Variants in TRPM2 observed in about 807,000 individuals in gnomAD.
The protein encoded by TRPM2 is transient receptor potential cation channel subfamily M member 2.
TRPM2 carries 161 observed loss-of-function variants against 174.0 expected under a neutral mutation model. The observed-to-expected ratio is 0.93, with a 90% CI of 0.81 to 1.05. The LOEUF is 1.05. Among genes scored for constraint, TRPM2 ranks in the 50% least tolerant of loss-of-function variants. The pLI is 0.00. For synonymous variants in TRPM2, 954 were observed against 861.3 expected (o/e 1.11, Z -1.88); for missense variants, 2,057 against 2,038.0 (o/e 1.01, Z -0.18).
chr21:44,384,484 G>T (rs1363873431), intron 9 of TRPM2, among the ~76,000 whole-genome samples: 1 of 152,194 alleles, frequency 6.6e-6, no homozygotes, highest in Non-Finnish European at 1.5e-5. Context: ...ATGCATGAAA[G>T]AGAGTAAGAA....
rs2051524627 is a variant in TRPM2 at position 44,441,975 on chromosome 21, T to A, written c.*158T>A. 1 of 1,105,620 alleles carries A rather than the reference T, an allele frequency of 9.0e-7. No homozygotes were observed. Among genetic ancestry groups the A allele is most frequent in the Non-Finnish European group, 1.2e-6 (1 of 829,334 alleles). 68.5% of individuals were successfully genotyped at this position (1,105,620 alleles called of 1,614,324 possible). A position where few individuals can be genotyped will look rare whatever the true frequency, so the allele number is the denominator to read the frequency against. ...CCCCTCACGGCTGCCGCAAGTCTGC[T>A]GCAGATGACCTCATGAACTGGAAGG... On this transcript the variant is annotated 3_prime_UTR_variant, in exon 32 of 32. Coordinates refer to ENST00000397928, the MANE Select transcript of TRPM2 (RefSeq NM_003307.4).
chr21:44,441,312 G>T (rs1356049064), intron 31 of TRPM2, among the ~76,000 whole-genome samples: 1 of 152,186 alleles, frequency 6.6e-6, no homozygotes, highest in African/African-American at 2.4e-5. Context: ...GCATCCAGGG[G>T]TGAGGCTGGC....
At chr21:44,377,920 CT>C in intron 7 of TRPM2, 147 bp downstream of exon 7, 1 of 975,872 alleles carries the variant, frequency 1.0e-6, no homozygotes, top group Non-Finnish European at 1.5e-6. Context: ...AGCATCTACG[CT>C]GTGTCGGGGC....
At chr21:44,429,945 A>G (rs2050966129) in intron 27 of TRPM2, among the ~76,000 whole-genome samples, 1 of 152,194 alleles carries the variant, frequency 6.6e-6, no homozygotes, top group Non-Finnish European at 1.5e-5. Context: ...CTTTTATTGG[A>G]TTAGGAATGT....
chr21:44,397,574 A>G (rs981666565), intron 12 of TRPM2, among the ~76,000 whole-genome samples, 173 bp from the exon 13 acceptor site: 23 of 151,450 alleles, frequency 1.5e-4, no homozygotes, highest in African/African-American at 5.1e-4. Flanking sequence ...GAGGTTGTGT[A>G]TTGACTGGGG....
intron 17 of TRPM2, 50 bp downstream of exon 17, chr21:44,405,310 C>T (rs1327431406): frequency 1.2e-6 from 2 of 1,605,632 alleles, no homozygotes; most frequent in Admixed American, 3.4e-5. Flanking sequence ...GCCAGCCCTG[C>T]AGGGGATGAG....
intron 2 of TRPM2, among the ~76,000 whole-genome samples, chr21:44,360,673 T>A (rs1329705448): frequency 1.3e-5 from 2 of 151,392 alleles, no homozygotes. Flanking sequence ...TTCAAGCAAT[T>A]CTCCTGCCTC....
intron 22 of TRPM2, chr21:44,423,402 G>A (rs1015807058): frequency 9.8e-6 from 5 of 509,200 alleles, no homozygotes; most frequent in Non-Finnish European, 1.8e-5. Flanking sequence ...GGACCGACAG[G>A]CTGCCAGAGC....
At chr21:44,406,834 C>T (rs45483495) in intron 19 of TRPM2, 69 bp downstream of exon 19, 152,900 of 1,533,654 alleles carry the variant, frequency 0.1, 11,485 homozygotes, top group African/African-American at 0.4. Flanking sequence ...GGAAAGGGGC[C>T]GCATGAGTGG....
chr21:44,438,967 T>C lies in TRPM2; in HGVS notation c.4168-100T>C. On this transcript the variant is annotated intron_variant, in intron 29 of 31. Transcript: ENST00000397928. The surrounding 1 kb of genome is among the most constrained non-coding windows in gnomAD (Gnocchi z 5.9). ...CCTGTGGCTCCCAGGGCTGGGCCGCTGCCCACGCCGGGCAGGAGGCCAGTG... is the reference window on the plus strand; with the variant it reads ...CCTGTGGCTCCCAGGGCTGGGCCGCCGCCCACGCCGGGCAGGAGGCCAGTG... 1.1e-6 allele frequency: 1 copy of C among 944,482 alleles called. No homozygotes were observed. The highest frequency in any genetic ancestry group is 1.6e-6 in the Non-Finnish European group (1 of 622,506). The allele number at this position is 944,482 out of a possible 1,614,324, so 58.5% of individuals were successfully genotyped here.
intron 20 of TRPM2, among the ~76,000 whole-genome samples, chr21:44,417,158 G>A (rs1310291278): frequency 9.9e-5 from 13 of 131,776 alleles, no homozygotes; most frequent in East Asian, 7.3e-4. Flanking sequence ...GCACGTGGGC[G>A]TGGCTCTGCT....
At chr21:44,430,759 C>G (rs1316158437) in intron 27 of TRPM2, among the ~76,000 whole-genome samples, 2 of 152,096 alleles carry the variant, frequency 1.3e-5, no homozygotes, top group Non-Finnish European at 2.9e-5. Flanking sequence ...ACTTTATCTT[C>G]CATAATGATT....
chr21:44,383,206 G>A (rs1347876049), intron 9 of TRPM2, among the ~76,000 whole-genome samples: 3 of 151,716 alleles, frequency 2.0e-5, no homozygotes, highest in African/African-American at 7.3e-5. Flanking sequence ...AGGGCCTCAG[G>A]AATGGTGTGA....
At chr21:44,405,544 C>T (rs939897433) in intron 17 of TRPM2, among the ~76,000 whole-genome samples, 2 of 152,292 alleles carry the variant, frequency 1.3e-5, no homozygotes, top group East Asian at 1.9e-4. Flanking sequence ...TCCACGGACA[C>T]GCGGCTGCCG....
At position 44,395,447 on chromosome 21, in the gene TRPM2, C is replaced by G. The variant is rs149088338; in HGVS notation, c.1828C>G (p.Arg610Gly). ...QGVSLRSLYK[R>G]SSGHVTFTMD... is the part of the protein sequence containing the mutation. ...AGTGAGCCTCCGGTCCCTCTACAAG[C>G]GTTCCTCAGGCCATGTGACCTTCAC... The change falls in exon 12 of 32, where the codon CGT (arginine) becomes GGT (glycine). Residue 610 changes from arginine to glycine, a missense_variant. Arg to Gly is a moderately radical substitution (Grantham distance 125). Coordinates refer to ENST00000397928, the MANE Select transcript of TRPM2 (RefSeq NM_003307.4). 4 of 1,612,900 alleles carry G rather than the reference C, an allele frequency of 2.5e-6. No homozygotes were observed. The highest frequency in any genetic ancestry group is 2.5e-6 in the Non-Finnish European group (3 of 1,179,952).
At chr21:44,396,912 G>GTGTGGAGGGC in intron 12 of TRPM2, among the ~76,000 whole-genome samples, 1 of 121,650 alleles carries the variant, frequency 8.2e-6, no homozygotes, top group South Asian at 2.8e-4. Flanking sequence ...GTGTGGAGGG[G>GTGTGGAGGGC]TGTGGAGGGG....
intron 15 of TRPM2, among the ~76,000 whole-genome samples, chr21:44,401,171 C>T (rs534404121): frequency 1.8e-4 from 28 of 152,264 alleles, no homozygotes; most frequent in East Asian, 1.9e-4. Flanking sequence ...CACTGATGGC[C>T]GCCTCTGCTC....
In TRPM2 at chr21:44,397,942, C is replaced by A. The variant is rs991265092; in HGVS notation, c.2062+66C>A. 543 of 1,482,834 alleles carry A rather than the reference C, an allele frequency of 3.7e-4. 1 individual carries two copies. Among genetic ancestry groups the A allele is most frequent in the Non-Finnish European group, 4.4e-4 (485 of 1,111,454 alleles). The allele number at this position is 1,482,834 out of a possible 1,614,324, so 91.9% of individuals were successfully genotyped here. Reference sequence around the variant, plus strand: ...CGTGCATGCCCTCACCTGGAGTTCCCATCCCTGGGTCTCAGCCCCATGTGC... The same window carrying A: ...CGTGCATGCCCTCACCTGGAGTTCCAATCCCTGGGTCTCAGCCCCATGTGC... On this transcript the variant is annotated intron_variant, in intron 13 of 31. Coordinates refer to ENST00000397928, the MANE Select transcript of TRPM2 (RefSeq NM_003307.4).
intron 21 of TRPM2, 33 bp downstream of exon 21, chr21:44,418,141 C>T (rs2050380473): frequency 6.3e-7 from 1 of 1,590,706 alleles, no homozygotes; most frequent in Admixed American, 1.7e-5. Context: ...CCTGAATGTC[C>T]TGGCCACCCG....
Sources: allele counts gnomAD v4.1 joint callset (sites outside exome capture counted in the v4.1 genomes callset), GRCh38; gene constraint gnomAD v4.1.1; non-coding constraint Gnocchi (gnomAD v3.1); transcripts MANE v1.5; gene names NCBI Gene and HGNC (gene_info 2026-07-23, HGNC 2026-07-21).